Variants in NRG1 observed in about 807,000 individuals in gnomAD.
NRG1 encodes neuregulin 1, also known as pro-neuregulin-1, membrane-bound isoform.
In NRG1, 18 loss-of-function variants were observed where a neutral mutation model predicts 63.8. That is an observed-to-expected ratio of 0.28 (90% CI 0.19 to 0.42). The LOEUF is 0.42. Among genes scored for constraint, NRG1 ranks in the 10% least tolerant of loss-of-function variants. The pLI is 1.00. For missense variants in NRG1, 762 were observed against 814.7 expected, an observed-to-expected ratio of 0.94 and a Z score of 0.79; for synonymous variants, 302 against 301.3, an observed-to-expected ratio of 1.00 and a Z score of -0.02.
intron 1 of NRG1, among the ~76,000 whole-genome samples, chr8:32,339,736 A>G (rs903345776): frequency 2.0e-5 from 3 of 152,232 alleles, no homozygotes; most frequent in Non-Finnish European, 2.9e-5. Flanking sequence ...AGTCACCGCC[A>G]ATAAGTATTA....
intron 1 of NRG1, among the ~76,000 whole-genome samples, chr8:31,955,954 C>A (rs1398311308): frequency 6.7e-6 from 1 of 150,034 alleles, no homozygotes; most frequent in Non-Finnish European, 1.5e-5. Flanking sequence ...GGTGTAAGGA[C>A]CACTTTAATC....
At chr8:32,509,819 C>A (rs1828953506) in intron 1 of NRG1, among the ~76,000 whole-genome samples, 1 of 152,010 alleles carries the variant, frequency 6.6e-6, no homozygotes, top group South Asian at 2.1e-4. Context: ...GATGTCCTAG[C>A]CTGTTGATGT....
At chr8:32,207,659 C>T (rs1844214309) in intron 1 of NRG1, among the ~76,000 whole-genome samples, 1 of 152,070 alleles carries the variant, frequency 6.6e-6, no homozygotes, top group Non-Finnish European at 1.5e-5. Context: ...CCTGTAGTAC[C>T]AGTGGGCTAT....
chr8:32,276,392 G>T (rs1852097435), intron 1 of NRG1, among the ~76,000 whole-genome samples: 1 of 152,100 alleles, frequency 6.6e-6, no homozygotes, highest in Non-Finnish European at 1.5e-5. Context: ...CTTTTTTACA[G>T]CTGAATAGTA....
intron 1 of NRG1, among the ~76,000 whole-genome samples, chr8:31,823,590 G>A (rs1266810842): frequency 2.6e-5 from 4 of 152,156 alleles, no homozygotes; most frequent in Non-Finnish European, 5.9e-5. Context: ...GAAGTTTCCA[G>A]CAGATTTTAA....
chr8:32,049,888 A>G (rs1821692057), intron 1 of NRG1, among the ~76,000 whole-genome samples: 2 of 152,154 alleles, frequency 1.3e-5, no homozygotes, highest in African/African-American at 4.8e-5. Flanking sequence ...TCTCAGTGCT[A>G]TGAGTATTTA....
intron 1 of NRG1, among the ~76,000 whole-genome samples, chr8:32,243,630 T>C (rs1431540566): frequency 6.6e-6 from 1 of 152,136 alleles, no homozygotes; most frequent in Non-Finnish European, 1.5e-5. Flanking sequence ...GATGTCATGC[T>C]GAGGTATGAA....
intron 1 of NRG1, among the ~76,000 whole-genome samples, chr8:31,821,669 A>G (rs968009759): frequency 1.2e-4 from 19 of 152,188 alleles, no homozygotes; most frequent in Non-Finnish European, 1.8e-4. Context: ...CAGGAAATGC[A>G]AGGCTCATCA....
At chr8:31,643,675 T>C (rs1804014338) in intron 1 of NRG1, among the ~76,000 whole-genome samples, 1 of 152,246 alleles carries the variant, frequency 6.6e-6, no homozygotes, top group Admixed American at 6.5e-5. Flanking sequence ...ACTTTTTCTG[T>C]TGCTCACTGA....
chr8:32,450,816 G>A (rs1224868451), intron 1 of NRG1, among the ~76,000 whole-genome samples: 1 of 152,178 alleles, frequency 6.6e-6, no homozygotes, highest in African/African-American at 2.4e-5. Flanking sequence ...GGAAAGAGAT[G>A]GTGGCAAGGG....
chr8:31,685,115 A>C (rs1035888129), intron 1 of NRG1, among the ~76,000 whole-genome samples: 5 of 152,164 alleles, frequency 3.3e-5, no homozygotes, highest in Non-Finnish European at 5.9e-5. Flanking sequence ...TCACATATTA[A>C]AAATGTAGTC....
intron 1 of NRG1, among the ~76,000 whole-genome samples, chr8:32,470,363 C>CT (rs1823683293): frequency 6.6e-6 from 1 of 151,078 alleles, no homozygotes; most frequent in Non-Finnish European, 1.5e-5. Flanking sequence ...TTATTTTTTT[C>CT]TTTTTTTCTT....
At chr8:31,760,069 C>A (rs538156949) in intron 1 of NRG1, among the ~76,000 whole-genome samples, 26 of 152,200 alleles carry the variant, frequency 1.7e-4, no homozygotes, top group South Asian at 1.2e-3. Context: ...GTTACCCATG[C>A]GGATTGGAAT....
At chr8:31,909,813 C>T (rs1015262147) in intron 1 of NRG1, among the ~76,000 whole-genome samples, 2 of 152,192 alleles carry the variant, frequency 1.3e-5, no homozygotes, top group African/African-American at 2.4e-5. Flanking sequence ...CCTGACAGCA[C>T]GTTGCTCTTC....
chr8:32,409,046 A>C (rs1814514080), intron 1 of NRG1, among the ~76,000 whole-genome samples: 1 of 152,168 alleles, frequency 6.6e-6, no homozygotes, highest in Non-Finnish European at 1.5e-5. Context: ...AGGTCCATCC[A>C]TGTTGCTGCA....
chr8:31,905,866 A>G (rs1239901452), intron 1 of NRG1, among the ~76,000 whole-genome samples: 1 of 152,220 alleles, frequency 6.6e-6, no homozygotes, highest in Non-Finnish European at 1.5e-5. Context: ...ATTGATGGTT[A>G]TTAGTAGTAT....
intron 1 of NRG1, among the ~76,000 whole-genome samples, chr8:31,738,673 A>G (rs1814942289): frequency 6.6e-6 from 1 of 152,024 alleles, no homozygotes; most frequent in African/African-American, 2.4e-5. Context: ...TGGCAGGGCC[A>G]TGCTCCCTGT....
intron 5 of NRG1, among the ~76,000 whole-genome samples, chr8:32,705,124 G>T (rs999001048): frequency 2.7e-5 from 4 of 150,826 alleles, no homozygotes; most frequent in African/African-American, 9.7e-5. Flanking sequence ...TGGGATAGGT[G>T]ACAATGAATT....
chr8:32,696,137 G>A (rs2128948901), intron 5 of NRG1, among the ~76,000 whole-genome samples: 1 of 152,116 alleles, frequency 6.6e-6, no homozygotes, highest in East Asian at 1.9e-4. Flanking sequence ...TCATGTCACT[G>A]ATCTATAATG....
Sources: allele counts gnomAD v4.1 joint callset (sites outside exome capture counted in the v4.1 genomes callset), GRCh38; gene constraint gnomAD v4.1.1; transcripts MANE v1.5; gene names NCBI Gene and HGNC (gene_info 2026-07-23, HGNC 2026-07-21).